ERP44: variants seen among roughly 807,000 people sequenced by gnomAD.
The protein encoded by ERP44 is endoplasmic reticulum resident protein 44.
Under a neutral mutation model 53.4 loss-of-function variants are expected in ERP44, and 25 were observed. The ratio of observed to expected loss-of-function variants is 0.47; its 90% CI spans 0.34 to 0.65. The LOEUF (loss-of-function observed/expected upper bound fraction) is 0.65. ERP44 is among the 30% of genes least tolerant of loss of function. The pLI is 0.01. For missense variants in ERP44, 338 were observed against 493.2 expected, an observed-to-expected ratio of 0.69 and a Z score of 2.98; for synonymous variants, 145 against 161.2, an observed-to-expected ratio of 0.90 and a Z score of 0.76.
chr9:100,086,460 C>G (rs1826484152), intron 1 of ERP44, among the ~76,000 whole-genome samples: 2 of 152,172 alleles, frequency 1.3e-5, no homozygotes, highest in Admixed American at 1.3e-4. Context: ...TCAGCACAAG[C>G]ACTATCCTTT....
In ERP44 at chr9:99,980,214, A is replaced by ATTGT. The variant is rs1830134195; in HGVS notation, c.*2394_*2397dup. The stretch of plus-strand genomic sequence containing the variant: ...TTTACATCTATAACACGTTACAGTC[A>ATTGT]TTGTTTACATATCCATATGCCTGAC... On this transcript the variant is annotated 3_prime_UTR_variant, in exon 12 of 12. Transcript: ENST00000262455. 1 of 396,222 alleles carries ATTGT rather than the reference A, an allele frequency of 2.5e-6. No homozygotes were observed. The allele number at this position is 396,222 out of a possible 1,614,324, so 24.5% of individuals were successfully genotyped here.
chr9:100,067,156 G>GCTCTCCCTCTCGCTCTCC (rs1564101908), intron 1 of ERP44, among the ~76,000 whole-genome samples: 2 of 151,938 alleles, frequency 1.3e-5, no homozygotes, highest in African/African-American at 4.8e-5. Flanking sequence ...TCTCGCTCTC[G>GCTCTCCCTCTCGCTCTCC]CTCTCCCTCT....
At position 100,049,251 on chromosome 9, in the gene ERP44, T is replaced by G. The variant is rs529818531; in HGVS notation, c.286+3166A>C. Among the ~76,000 whole-genome samples, 22 of 152,108 alleles carry G rather than the reference T, an allele frequency of 1.4e-4. No individual in the cohort carries two copies. The South Asian group carries it at 3.5e-3, about 24-fold the overall frequency. On this transcript the variant is annotated intron_variant, in intron 4 of 11. Transcript: ENST00000262455. ...ATAAGGAGACCTGTCTCTAAAAATATTTTTTTAAATTAGCTGGGTGTGGTG... is the reference window on the plus strand; with the variant it reads ...ATAAGGAGACCTGTCTCTAAAAATAGTTTTTTAAATTAGCTGGGTGTGGTG...
intron 4 of ERP44, among the ~76,000 whole-genome samples, chr9:100,043,757 A>G (rs1173555225): frequency 2.0e-5 from 3 of 152,118 alleles, no homozygotes; most frequent in African/African-American, 7.2e-5. Context: ...TCTGTCTCAA[A>G]CAGAAAAAAA....
Position 100,052,449 on chromosome 9 carries a change from A to G in ERP44, c.254T>C (p.Val85Ala). ...IKEEFPNENQ[V>A]VFARVDCDQH... The stretch of plus-strand genomic sequence containing the variant: ...ATCACAATCAACTCTGGCAAACACT[A>G]CTTGATTTTCATTTGGAAATTCTTC... The change falls in exon 4 of 12, where the codon GTA (valine) becomes GCA (alanine). Residue 85 changes from valine (V) to alanine (A), a missense_variant. By Grantham distance (64) the Val-to-Ala change is moderately conservative. Transcript: ENST00000262455. The G allele has an allele frequency of 6.2e-7, 1 of 1,612,204 alleles. No homozygotes were observed. Among genetic ancestry groups the G allele is most frequent in the Non-Finnish European group, 8.5e-7 (1 of 1,178,950 alleles).
intron 5 of ERP44, among the ~76,000 whole-genome samples, 198 bp downstream of exon 5, chr9:100,021,844 A>T (rs914021130): frequency 5.3e-5 from 8 of 152,206 alleles, no homozygotes; most frequent in African/African-American, 1.9e-4. Flanking sequence ...ACTGCATGCT[A>T]TATCTTTTAT....
intron 10 of ERP44, among the ~76,000 whole-genome samples, chr9:100,001,788 G>A (rs1465629528): frequency 6.6e-6 from 1 of 152,100 alleles, no homozygotes; most frequent in Non-Finnish European, 1.5e-5. Context: ...TCTGTCTTTT[G>A]ACTGGAGAAT....
intron 1 of ERP44, among the ~76,000 whole-genome samples, chr9:100,081,275 C>T (rs1178274796): frequency 6.6e-6 from 1 of 151,902 alleles, no homozygotes; most frequent in Non-Finnish European, 1.5e-5. Flanking sequence ...CTGGGGGATA[C>T]CCATCTTTAG....
intron 8 of ERP44, among the ~76,000 whole-genome samples, chr9:100,014,009 T>C (rs949022765): frequency 2.6e-5 from 4 of 152,292 alleles, no homozygotes; most frequent in South Asian, 4.1e-4. Context: ...TCCATAAATA[T>C]AAAGTTGAGT....
chr9:100,055,530 C>T (rs761342688), intron 3 of ERP44, among the ~76,000 whole-genome samples: 6 of 152,082 alleles, frequency 3.9e-5, no homozygotes, highest in Admixed American at 6.6e-5. Flanking sequence ...CTGCCACGTC[C>T]GGCTAATTTT....
chr9:99,998,919 C>G (rs929373693), intron 10 of ERP44: 1 of 1,596,544 alleles, frequency 6.3e-7, no homozygotes, highest in Non-Finnish European at 8.6e-7. Flanking sequence ...AGGGTTGGCA[C>G]TGGTCTTCTC....
chr9:100,065,809 G>A (rs1219426274), intron 1 of ERP44, among the ~76,000 whole-genome samples: 1 of 152,194 alleles, frequency 6.6e-6, no homozygotes, highest in Non-Finnish European at 1.5e-5. Flanking sequence ...TCAGGTAAAA[G>A]AGGTTATCAA....
At chr9:100,027,796 G>A (rs1276118727) in intron 4 of ERP44, among the ~76,000 whole-genome samples, 1 of 152,098 alleles carries the variant, frequency 6.6e-6, no homozygotes, top group Non-Finnish European at 1.5e-5. Flanking sequence ...AAAATACAAA[G>A]AGGCAGATCA....
At chr9:100,057,363 A>G (rs1826096737) in intron 3 of ERP44, among the ~76,000 whole-genome samples, 1 of 152,236 alleles carries the variant, frequency 6.6e-6, no homozygotes. Context: ...AGAAAAGACA[A>G]AACATTTAGT....
chr9:100,054,678 A>AGT (rs1408468314), intron 3 of ERP44, among the ~76,000 whole-genome samples: 1 of 152,220 alleles, frequency 6.6e-6, no homozygotes, highest in East Asian at 1.9e-4. Context: ...AGTAAGTATA[A>AGT]GGCAAACATT....
At chr9:100,025,621 A>G (rs1830643054) in intron 4 of ERP44, among the ~76,000 whole-genome samples, 1 of 152,226 alleles carries the variant, frequency 6.6e-6, no homozygotes, top group Admixed American at 6.5e-5. Flanking sequence ...CTTAATTGAA[A>G]AAAAGGATAT....
chr9:100,076,457 A>G (rs1826357456), intron 1 of ERP44, among the ~76,000 whole-genome samples: 1 of 152,208 alleles, frequency 6.6e-6, no homozygotes, highest in South Asian at 2.1e-4. Flanking sequence ...TCTGCATGAT[A>G]TGCAGGCACC....
chr9:99,999,046 G>T, intron 10 of ERP44: 1 of 804,570 alleles, frequency 1.2e-6, no homozygotes, highest in Non-Finnish European at 2.1e-6. Flanking sequence ...GGTGAGGCCC[G>T]GGGCAGGAGG....
At chr9:100,026,965 A>G (rs528710031) in intron 4 of ERP44, among the ~76,000 whole-genome samples, 33 of 152,342 alleles carry the variant, frequency 2.2e-4, no homozygotes, top group South Asian at 6.2e-4. Flanking sequence ...TCAACTTTCT[A>G]AACTTGATGA....
Sources: gnomAD v4.1 joint callset for allele counts (sites outside exome capture counted in the v4.1 genomes callset) on GRCh38, gnomAD v4.1.1 for gene constraint, MANE v1.5 for transcripts, NCBI Gene and HGNC (gene_info 2026-07-23, HGNC 2026-07-21) for gene names.